Variants in AUTS2 observed in about 807,000 individuals in gnomAD.
The protein encoded by AUTS2 is activator of transcription and developmental regulator AUTS2.
A neutral mutation model predicts 112.4 loss-of-function variants in AUTS2; 17 were observed. The ratio of observed to expected loss-of-function variants is 0.15; its 90% CI spans 0.10 to 0.23. AUTS2 has a LOEUF of 0.23. Among genes scored for constraint, AUTS2 ranks in the 10% least tolerant of loss-of-function variants. The probability of loss-of-function intolerance (pLI) is 1.00; values close to 1 mark genes in which losing one functional copy is unlikely to be tolerated. For missense variants in AUTS2, 1,510 were observed against 1,701.6 expected (o/e 0.89, Z 1.98); for synonymous variants, 751 against 702.7 (o/e 1.07, Z -1.09).
At chr7:69,743,782 T>TTTATCTACC (rs1787367418) in intron 1 of AUTS2, among the ~76,000 whole-genome samples, 1 of 152,148 alleles carries the variant, frequency 6.6e-6, no homozygotes, top group Non-Finnish European at 1.5e-5. Flanking sequence ...TATTTTAAAT[T>TTTATCTACC]TTATCTACCT....
At position 70,370,203 on chromosome 7, in the gene AUTS2, T is replaced by C. The variant is rs140770082; in HGVS notation, c.661-65549T>C. Among the ~76,000 whole-genome samples, 7 of 152,258 alleles carry C rather than the reference T, an allele frequency of 4.6e-5. No homozygotes were observed. In the South Asian group the frequency reaches 1.5e-3, roughly 32 times the overall value. On this transcript the variant is annotated intron_variant, in intron 4 of 18. Transcript: ENST00000342771. ...TACCACACAACTCACCCACTTAAGG[T>C]ATACACTTCCATGTTTTTTAATAAA...
chr7:70,690,403 A>C (rs187806102), intron 5 of AUTS2, among the ~76,000 whole-genome samples: 1 of 152,340 alleles, frequency 6.6e-6, no homozygotes, highest in East Asian at 1.9e-4. Context: ...TACATCATCC[A>C]TAACGAAAGG....
intron 5 of AUTS2, among the ~76,000 whole-genome samples, chr7:70,614,643 C>G (rs1383675785): frequency 6.6e-6 from 1 of 152,160 alleles, no homozygotes; most frequent in Non-Finnish European, 1.5e-5. Flanking sequence ...CTCTGCTGCA[C>G]CCCCACCCCC....
intron 4 of AUTS2, among the ~76,000 whole-genome samples, chr7:70,290,139 C>G (rs775793920): frequency 6.6e-6 from 1 of 152,122 alleles, no homozygotes; most frequent in Non-Finnish European, 1.5e-5. Context: ...AAATGGATCA[C>G]AAGAGATTTC....
chr7:70,513,507 CCT>C (rs1167021639), intron 5 of AUTS2, among the ~76,000 whole-genome samples: 5 of 152,290 alleles, frequency 3.3e-5, no homozygotes, highest in African/African-American at 1.2e-4. Context: ...AATCTATCCC[CCT>C]GTCTCCACCA....
chr7:70,183,719 G>A (rs1222785483), intron 4 of AUTS2, among the ~76,000 whole-genome samples: 4 of 152,150 alleles, frequency 2.6e-5, no homozygotes, highest in Non-Finnish European at 5.9e-5. Flanking sequence ...ACTGAAAATA[G>A]CACCCCTGGA....
At chr7:69,820,111 A>G (rs1044771842) in intron 1 of AUTS2, among the ~76,000 whole-genome samples, 2 of 152,156 alleles carry the variant, frequency 1.3e-5, no homozygotes, top group Non-Finnish European at 2.9e-5. Flanking sequence ...CCTGGGAGTC[A>G]TATACATGCA....
intron 4 of AUTS2, among the ~76,000 whole-genome samples, chr7:70,378,430 A>G (rs763952355): frequency 2.6e-5 from 4 of 152,222 alleles, no homozygotes; most frequent in South Asian, 2.1e-4. Context: ...GTTATTAGCT[A>G]TGATGCACAA....
intron 5 of AUTS2, among the ~76,000 whole-genome samples, chr7:70,632,816 A>G (rs1805333077): frequency 6.6e-6 from 1 of 152,104 alleles, no homozygotes; most frequent in Non-Finnish European, 1.5e-5. Flanking sequence ...CCGAGCAAAC[A>G]GACTTCTGTG....
At chr7:70,409,730 A>G (rs1342429802) in intron 4 of AUTS2, among the ~76,000 whole-genome samples, 1 of 152,168 alleles carries the variant, frequency 6.6e-6, no homozygotes, top group Non-Finnish European at 1.5e-5. Context: ...AAGCAGAGAC[A>G]TTGTTATTTT....
chr7:70,301,165 G>A (rs1359639036), intron 4 of AUTS2, among the ~76,000 whole-genome samples: 1 of 152,210 alleles, frequency 6.6e-6, no homozygotes, highest in Non-Finnish European at 1.5e-5. Flanking sequence ...TGCGTGCATA[G>A]TGATATTCAT....
At chr7:70,590,706 C>T (rs1355636857) in intron 5 of AUTS2, among the ~76,000 whole-genome samples, 2 of 152,162 alleles carry the variant, frequency 1.3e-5, no homozygotes, top group Non-Finnish European at 2.9e-5. Context: ...GCCTGGAAAT[C>T]TCCCAGCAAT....
At chr7:70,636,940 T>A (rs947217712) in intron 5 of AUTS2, among the ~76,000 whole-genome samples, 1 of 152,156 alleles carries the variant, frequency 6.6e-6, no homozygotes, top group Admixed American at 6.5e-5. Context: ...ACCACACCTG[T>A]CCAGAAAGTG....
chr7:70,223,731 C>T (rs1811605545), intron 4 of AUTS2, among the ~76,000 whole-genome samples: 1 of 152,086 alleles, frequency 6.6e-6, no homozygotes, highest in Admixed American at 6.5e-5. Context: ...GGGATGGTAG[C>T]TCCATGCATG....
At chr7:70,092,886 A>G (rs1015596726) in intron 2 of AUTS2, among the ~76,000 whole-genome samples, 7 of 152,140 alleles carry the variant, frequency 4.6e-5, no homozygotes, top group Non-Finnish European at 1.0e-4. Context: ...GCTGAGGGGC[A>G]AGTACATTTG....
chr7:70,075,901 A>C (rs994720298), intron 2 of AUTS2, among the ~76,000 whole-genome samples: 5 of 152,206 alleles, frequency 3.3e-5, no homozygotes, highest in African/African-American at 1.2e-4. Context: ...AACTTTTTCT[A>C]TACATAGCCA....
intron 5 of AUTS2, among the ~76,000 whole-genome samples, chr7:70,519,449 C>T (rs539616613): frequency 3.9e-5 from 6 of 152,140 alleles, no homozygotes; most frequent in African/African-American, 1.4e-4. Context: ...CCCAGCCCAA[C>T]CAAGAACCAG....
intron 2 of AUTS2, among the ~76,000 whole-genome samples, chr7:69,957,907 G>A (rs188470336): frequency 3.2e-4 from 48 of 152,258 alleles, no homozygotes; most frequent in African/African-American, 1.1e-3. Flanking sequence ...ATGGGTTGTG[G>A]GCTGGAATTC....
chr7:70,401,411 G>A (rs1425646678), intron 4 of AUTS2, among the ~76,000 whole-genome samples: 2 of 152,190 alleles, frequency 1.3e-5, no homozygotes, highest in African/African-American at 4.8e-5. Context: ...TTGAGCCTGT[G>A]AGAATAGTGG....
Sources: allele counts gnomAD v4.1 joint callset (sites outside exome capture counted in the v4.1 genomes callset), GRCh38; gene constraint gnomAD v4.1.1; transcripts MANE v1.5; gene names NCBI Gene and HGNC (gene_info 2026-07-23, HGNC 2026-07-21).